Variants in RPS6KA6 observed in about 807,000 individuals in gnomAD.
RPS6KA6 encodes the protein ribosomal protein S6 kinase A6, also known as ribosomal protein S6 kinase alpha-6.
Under a neutral mutation model 65.4 loss-of-function variants are expected in RPS6KA6, and 27 were observed. The ratio of observed to expected loss-of-function variants is 0.41; its 90% confidence interval spans 0.30 to 0.57. The LOEUF (loss-of-function observed/expected upper bound fraction) is 0.57, where lower values mean the gene tolerates loss of function less well. Ranked by LOEUF, RPS6KA6 falls within the 20% of genes least tolerant of loss-of-function variation. The pLI is 0.24. For missense variants in RPS6KA6, 486 were observed against 555.6 expected (o/e 0.87, Z 1.26); for synonymous variants, 190 against 184.2 (o/e 1.03, Z -0.26).
intron 20 of RPS6KA6, among the ~76,000 whole-genome samples, chrX:84,078,967 TTAAAAAAAAA>T (rs2033724383): frequency 9.0e-6 from 1 of 111,363 alleles, no homozygotes; most frequent in South Asian, 3.8e-4. Context: ...CTATAGTTGC[TTAAAAAAAAA>T]TAAAAAAACT....
At chrX:84,121,182 T>C (rs2034665622) in intron 8 of RPS6KA6, among the ~76,000 whole-genome samples, 1 of 112,059 alleles carries the variant, frequency 8.9e-6, no homozygotes, top group South Asian at 3.7e-4. Context: ...CTTAGGAAAG[T>C]AGAAATACAT....
At chrX:84,072,875 G>A in intron 20 of RPS6KA6, among the ~76,000 whole-genome samples, 1 of 111,277 alleles carries the variant, frequency 9.0e-6, no homozygotes, top group African/African-American at 3.3e-5. Flanking sequence ...AACACTGATG[G>A]AAGAAACTGA....
In RPS6KA6 at chrX:84,134,807, A is replaced by G; in HGVS notation, c.621T>C (p.Asp207=). The change falls in exon 8 of 22, where the codon GAT becomes GAC. Residue 207 remains aspartate, a synonymous_variant. Transcript: ENST00000262752. ...RDLKPENILL[D]EIGHIKLTDF... Reference sequence around the variant, plus strand: ...CTGTTAATTTGATATGTCCTATTTCATCAAGCAAAATGCTGTAAATCAAAA... The same window carrying G: ...CTGTTAATTTGATATGTCCTATTTCGTCAAGCAAAATGCTGTAAATCAAAA... The G allele has an allele frequency of 8.8e-7, 1 of 1,134,928 alleles. No homozygotes were observed. The highest frequency in any genetic ancestry group is 3.1e-5 in the East Asian group (1 of 32,496). The allele number at this position is 1,134,928 out of a possible 1,213,427, so 93.5% of individuals were successfully genotyped here.
At chrX:84,092,837 T>C (rs1167733616) in intron 20 of RPS6KA6, among the ~76,000 whole-genome samples, 1 of 111,653 alleles carries the variant, frequency 9.0e-6, no homozygotes, top group Non-Finnish European at 1.9e-5. Context: ...TGGATATATA[T>C]CCAAAGGAAA....
intron 18 of RPS6KA6, among the ~76,000 whole-genome samples, chrX:84,100,675 C>A (rs189668823): frequency 0.011 from 1,196 of 110,659 alleles, 19 homozygotes; most frequent in African/African-American, 0.034. Flanking sequence ...TCCTATAAAA[C>A]CACTGAAATG....
chrX:84,158,404 T>C (rs1222466158), intron 2 of RPS6KA6, among the ~76,000 whole-genome samples: 5 of 110,927 alleles, frequency 4.5e-5, no homozygotes, highest in Admixed American at 9.6e-5. Flanking sequence ...TTCTTAAATA[T>C]AGTCTACAAA....
chrX:84,120,278 A>T (rs1013450474), intron 8 of RPS6KA6, among the ~76,000 whole-genome samples: 11 of 111,195 alleles, frequency 9.9e-5, no homozygotes, highest in Non-Finnish European at 1.1e-4. Context: ...ACACTAGAAT[A>T]TAGTGCAAAA....
intron 1 of RPS6KA6, among the ~76,000 whole-genome samples, chrX:84,185,635 T>C (rs957273183): frequency 8.9e-6 from 1 of 111,920 alleles, no homozygotes; most frequent in African/African-American, 3.2e-5. Context: ...CTTACCAGAT[T>C]CAACACACAC....
At chrX:84,172,619 G>T (rs1273895376) in intron 1 of RPS6KA6, among the ~76,000 whole-genome samples, 1 of 111,425 alleles carries the variant, frequency 9.0e-6, no homozygotes, top group Admixed American at 9.6e-5. Flanking sequence ...TCAGGGTATA[G>T]AACCAAAAAA....
Position 84,120,034 on chromosome X carries a change from T to C in RPS6KA6, c.647-7A>G. ...TCCTTGCTGAGTCCAAAATCTATAA[T>C]AACAGTATTACCAAAAAATGTGTCT... On this transcript the variant is annotated splice_polypyrimidine_tract_variant and splice_region_variant and intron_variant, in intron 8 of 21. Coordinates refer to ENST00000262752, the MANE Select transcript of RPS6KA6 (RefSeq NM_014496.5). 6.1e-6 allele frequency: 7 copies of C among 1,140,392 alleles called. No individual in the cohort carries two copies. Among genetic ancestry groups the C allele is most frequent in the Non-Finnish European group, 8.2e-6 (7 of 858,030 alleles). The allele number at this position is 1,140,392 out of a possible 1,213,427, so 94.0% of individuals were successfully genotyped here. A position where few individuals can be genotyped will look rare whatever the true frequency, so the allele number is the denominator to read the frequency against.
intron 3 of RPS6KA6, among the ~76,000 whole-genome samples, chrX:84,150,516 A>T (rs1419686313): frequency 9.1e-6 from 1 of 110,300 alleles, no homozygotes; most frequent in African/African-American, 3.3e-5. Context: ...GTTATTACTT[A>T]GACCAATTTC....
chrX:84,132,254 C>T (rs753035981), intron 8 of RPS6KA6, among the ~76,000 whole-genome samples: 2 of 110,494 alleles, frequency 1.8e-5, no homozygotes, highest in Non-Finnish European at 3.8e-5. Flanking sequence ...AAGACTCCGT[C>T]GCCACACACA....
At chrX:84,182,658 C>A (rs943425092) in intron 1 of RPS6KA6, among the ~76,000 whole-genome samples, 7 of 111,689 alleles carry the variant, frequency 6.3e-5, no homozygotes, top group Non-Finnish European at 1.1e-4. Flanking sequence ...TATAGAGGAC[C>A]TGCCCTGAAG....
chrX:84,087,974 A>C, intron 20 of RPS6KA6, among the ~76,000 whole-genome samples: 1 of 111,503 alleles, frequency 9.0e-6, no homozygotes, highest in Non-Finnish European at 1.9e-5. Flanking sequence ...TACGTTGTGA[A>C]GTTCTTGTGT....
intron 20 of RPS6KA6, among the ~76,000 whole-genome samples, chrX:84,091,854 G>T (rs1419560018): frequency 1.8e-5 from 2 of 111,988 alleles, no homozygotes; most frequent in Admixed American, 1.9e-4. Context: ...ATACTATGCA[G>T]CCATAAAAAA....
chrX:84,064,236 A>T lies in RPS6KA6; in HGVS notation c.*41T>A. On this transcript the variant is annotated 3_prime_UTR_variant, in exon 22 of 22. Coordinates refer to ENST00000262752, the MANE Select transcript of RPS6KA6 (RefSeq NM_014496.5). ...GAATAGGAAAAAAGCCACACATTTA[A>T]TTTCATCTTCATCCAGTTTGGCCTA... The T allele has an allele frequency of 1.7e-6, 2 of 1,188,815 alleles. 1 individual carries two copies. The highest frequency in any genetic ancestry group is 2.3e-6 in the Non-Finnish European group (2 of 883,130).
chrX:84,096,179 CATT>C lies in RPS6KA6; in HGVS notation c.1971+12_1971+14del. On this transcript the variant is annotated intron_variant, in intron 20 of 21. Transcript: ENST00000262752. ...TTAACATGAATGCAACAAAACAAAA[CATT>C]ATAATTTATACCTTTGCTCCGTCTG... The C allele has an allele frequency of 9.6e-7, 1 of 1,044,391 alleles. No individual in the cohort carries two copies. Among genetic ancestry groups the C allele is most frequent in the Non-Finnish European group, 1.3e-6 (1 of 744,246 alleles). 86.1% of individuals were successfully genotyped at this position (1,044,391 alleles called of 1,213,427 possible).
intron 20 of RPS6KA6, among the ~76,000 whole-genome samples, chrX:84,070,623 C>T: frequency 9.0e-6 from 1 of 111,032 alleles, no homozygotes; most frequent in Non-Finnish European, 1.9e-5. Context: ...TTTCATCAAT[C>T]ACAGAAGCAG....
Position 84,187,975 on chromosome X carries a change from C to CCTGCCG in RPS6KA6, c.-77_-76insCGGCAG, listed in dbSNP as rs1489445723. On this transcript the variant is annotated 5_prime_UTR_variant, in exon 1 of 22. Transcript: ENST00000262752. The stretch of plus-strand genomic sequence containing the variant: ...CCGCGCATCCTGTCTATTGAACTGG[C>CCTGCCG]CCGCCGCCGCCGCCGCCGCCGCCGC... 7.1e-5 allele frequency: 54 copies of CCTGCCG among 755,641 alleles called. No individual in the cohort carries two copies. The East Asian group carries it at 2.7e-3, about 38-fold the overall frequency. The allele number at this position is 755,641 out of a possible 1,213,427, so 62.3% of individuals were successfully genotyped here.
Sources: gnomAD v4.1 joint callset for allele counts (sites outside exome capture counted in the v4.1 genomes callset) on GRCh38, gnomAD v4.1.1 for gene constraint, MANE v1.5 for transcripts, NCBI Gene and HGNC (gene_info 2026-07-23, HGNC 2026-07-21) for gene names.